PANK1: variants seen among roughly 807,000 people sequenced by gnomAD.
PANK1 encodes pantothenic acid kinase 1.
In PANK1, 18 loss-of-function variants were observed where a neutral mutation model predicts 40.1. The observed-to-expected ratio is 0.45, with a 90% CI of 0.31 to 0.67. PANK1 has a LOEUF of 0.67. Ranked by LOEUF, PANK1 falls within the 30% of genes least tolerant of loss-of-function variation. PANK1 has a pLI of 0.06. For synonymous variants in PANK1, 242 were observed against 237.7 expected (o/e 1.02, Z -0.17); for missense variants, 457 against 599.6 (o/e 0.76, Z 2.48).
chr10:89,640,392 TACAC>T (rs34655029), intron 1 of PANK1, among the ~76,000 whole-genome samples: 5 of 150,066 alleles, frequency 3.3e-5, no homozygotes, highest in South Asian at 2.1e-4. Flanking sequence ...AAGGAGAGAA[TACAC>T]ACACACACAC....
At chr10:89,603,827 A>C (rs1409354) in intron 2 of PANK1, among the ~76,000 whole-genome samples, 1 of 151,950 alleles carries the variant, frequency 6.6e-6, no homozygotes, top group Non-Finnish European at 1.5e-5. Flanking sequence ...GGGGCCATCT[A>C]TGAGTGGTCA....
chr10:89,623,959 C>G (rs181460131), intron 1 of PANK1, among the ~76,000 whole-genome samples: 2 of 152,346 alleles, frequency 1.3e-5, no homozygotes, highest in African/African-American at 4.8e-5. Flanking sequence ...GAAGAGGACA[C>G]ATGTATGTTT....
chr10:89,581,840 CT>C (rs1844056952), downstream of PANK1: 1 of 152,164 alleles, frequency 6.6e-6, no homozygotes, highest in East Asian at 1.9e-4. Flanking sequence ...CTCAAGTCAG[CT>C]TTTGCTGCCA....
intron 1 of PANK1, among the ~76,000 whole-genome samples, chr10:89,634,543 T>G (rs1564637711): frequency 6.6e-6 from 1 of 152,188 alleles, no homozygotes. Context: ...CAAGGTCATT[T>G]TTTCAATTCT....
chr10:89,636,066 G>A (rs1342305425), intron 1 of PANK1, among the ~76,000 whole-genome samples: 2 of 152,160 alleles, frequency 1.3e-5, no homozygotes, highest in African/African-American at 2.4e-5. Context: ...GGTGCCTGTG[G>A]CTCTCCTGGC....
intron 1 of PANK1, among the ~76,000 whole-genome samples, chr10:89,627,631 G>A (rs911420441): frequency 2.0e-5 from 3 of 152,158 alleles, no homozygotes; most frequent in Non-Finnish European, 4.4e-5. Context: ...ACAAAAACTG[G>A]TCAGTAATTA....
intron 5 of PANK1, among the ~76,000 whole-genome samples, chr10:89,591,117 A>G (rs757509213): frequency 6.6e-6 from 1 of 152,066 alleles, no homozygotes; most frequent in African/African-American, 2.4e-5. Flanking sequence ...ATATAATTAT[A>G]TTTCAATAAA....
At chr10:89,643,340 A>T (rs1467928045) in intron 1 of PANK1, among the ~76,000 whole-genome samples, 2 of 152,262 alleles carry the variant, frequency 1.3e-5, no homozygotes, top group Non-Finnish European at 2.9e-5. Flanking sequence ...ACAAAAGCAA[A>T]TAAAAATTCA....
intron 1 of PANK1, among the ~76,000 whole-genome samples, chr10:89,642,566 T>C (rs996853260): frequency 1.3e-5 from 2 of 152,248 alleles, no homozygotes; most frequent in African/African-American, 4.8e-5. Flanking sequence ...GCTTAGAGTA[T>C]GTAAATACTC....
chr10:89,596,202 C>T (rs1844598512), intron 3 of PANK1, among the ~76,000 whole-genome samples: 1 of 152,082 alleles, frequency 6.6e-6, no homozygotes, highest in Admixed American at 6.6e-5. Context: ...TTTGTTTTCT[C>T]CCTGTGTGTT....
intron 6 of PANK1, among the ~76,000 whole-genome samples, chr10:89,586,071 A>C (rs1182982734): frequency 6.6e-6 from 1 of 152,146 alleles, no homozygotes; most frequent in Non-Finnish European, 1.5e-5. Flanking sequence ...TTTCCCCAAA[A>C]TGTTGGCTTT....
At chr10:89,617,146 T>C (rs1268376204) in intron 1 of PANK1, among the ~76,000 whole-genome samples, 1 of 152,158 alleles carries the variant, frequency 6.6e-6, no homozygotes, top group Non-Finnish European at 1.5e-5. Flanking sequence ...TTTTCAACCA[T>C]TGAGATTTGG....
intron 1 of PANK1, among the ~76,000 whole-genome samples, chr10:89,624,511 T>C (rs1324761592): frequency 6.6e-6 from 1 of 152,222 alleles, no homozygotes; most frequent in Non-Finnish European, 1.5e-5. Context: ...AGGTTAAAAC[T>C]GACATGATAC....
At chr10:89,597,828 A>G (rs1844657327) in intron 3 of PANK1, among the ~76,000 whole-genome samples, 1 of 152,220 alleles carries the variant, frequency 6.6e-6, no homozygotes, top group South Asian at 2.1e-4. Flanking sequence ...CAGCTGAAAT[A>G]TTCATGTCTC....
At chr10:89,586,306 T>A (rs1377146520) in intron 6 of PANK1, among the ~76,000 whole-genome samples, 2 of 152,172 alleles carry the variant, frequency 1.3e-5, no homozygotes, top group Non-Finnish European at 2.9e-5. Flanking sequence ...CTTTTTCCTT[T>A]TTCATTATTT....
intron 1 of PANK1, among the ~76,000 whole-genome samples, chr10:89,636,824 G>A (rs779390946): frequency 4.7e-5 from 7 of 150,534 alleles, no homozygotes; most frequent in Non-Finnish European, 1.0e-4. Flanking sequence ...TTTGCTGCTT[G>A]CACATTCCAA....
At chr10:89,636,954 C>T (rs922293015) in intron 1 of PANK1, among the ~76,000 whole-genome samples, 2 of 149,470 alleles carry the variant, frequency 1.3e-5, no homozygotes, top group Non-Finnish European at 1.5e-5. Flanking sequence ...CTCCGCCTCC[C>T]GGGTTCATGC....
At chr10:89,624,219 C>G (rs146870467) in intron 1 of PANK1, among the ~76,000 whole-genome samples, 2 of 152,164 alleles carry the variant, frequency 1.3e-5, no homozygotes, top group African/African-American at 4.8e-5. Flanking sequence ...CTCTGCTGCT[C>G]GGGGTTAACC....
intron 2 of PANK1, among the ~76,000 whole-genome samples, chr10:89,608,029 ACTT>A (rs772272093): frequency 3.3e-4 from 47 of 142,356 alleles, no homozygotes; most frequent in East Asian, 1.3e-3. Context: ...ATGATCCTAA[ACTT>A]TTTTTTTTTT....
Sources: allele counts gnomAD v4.1 joint callset (sites outside exome capture counted in the v4.1 genomes callset), GRCh38; gene constraint gnomAD v4.1.1; transcripts MANE v1.5; gene names NCBI Gene and HGNC (gene_info 2026-07-23, HGNC 2026-07-21).